The following ZNF503 variants were observed in gnomAD, a reference collection of about 807,000 sequenced individuals.
The protein encoded by ZNF503 is NocA-like zinc finger 2.
A neutral mutation model predicts 34.4 loss-of-function variants in ZNF503; 15 were observed. That is an observed-to-expected ratio of 0.44 (90% CI 0.29 to 0.67). ZNF503 has a LOEUF of 0.67. ZNF503 is among the 30% of genes least tolerant of loss of function. The probability of loss-of-function intolerance (pLI) is 0.13; values close to 1 mark genes in which losing one functional copy is unlikely to be tolerated. For missense variants in ZNF503, 1,007 were observed against 926.8 expected, an observed-to-expected ratio of 1.09 and a Z score of -1.12; for synonymous variants, 580 against 456.8, an observed-to-expected ratio of 1.27 and a Z score of -3.44.
the ZNF503 span, among the ~76,000 whole-genome samples, chr10:75,391,843 A>G: frequency 6.6e-6 from 1 of 151,742 alleles, no homozygotes; most frequent in Admixed American, 6.6e-5. Context: ...TGTTCCAGGT[A>G]CCGTGCTAGC....
chr10:75,334,494 A>G, the ZNF503 span, among the ~76,000 whole-genome samples: 1 of 152,164 alleles, frequency 6.6e-6, no homozygotes. Context: ...ATTGTGGATA[A>G]GAAATTATAG....
chr10:75,334,678 T>C, the ZNF503 span, among the ~76,000 whole-genome samples: 1 of 152,238 alleles, frequency 6.6e-6, no homozygotes, highest in African/African-American at 2.4e-5. Context: ...ATTTTAAAAC[T>C]ATATCCCATT....
At chr10:75,298,113 A>G in the ZNF503 span, among the ~76,000 whole-genome samples, 3 of 152,282 alleles carry the variant, frequency 2.0e-5, no homozygotes, top group East Asian at 3.9e-4. Context: ...TTCAGTCAGT[A>G]CTCAGTTCCA....
chr10:75,309,896 T>C, the ZNF503 span, among the ~76,000 whole-genome samples: 5 of 152,222 alleles, frequency 3.3e-5, no homozygotes, highest in Admixed American at 2.6e-4. Context: ...TTTAATTCAT[T>C]TCGAGTTAAC....
the ZNF503 span, among the ~76,000 whole-genome samples, chr10:75,371,171 A>T: frequency 6.6e-6 from 1 of 152,164 alleles, no homozygotes; most frequent in East Asian, 1.9e-4. Context: ...TGGAGCGGAG[A>T]CAGCATCCAG....
chr10:75,379,707 C>T, the ZNF503 span, among the ~76,000 whole-genome samples: 1 of 152,176 alleles, frequency 6.6e-6, no homozygotes, highest in African/African-American at 2.4e-5. Context: ...TAAGGAAGTC[C>T]TTGAGTAATT....
At chr10:75,349,509 G>A in the ZNF503 span, among the ~76,000 whole-genome samples, 9 of 152,150 alleles carry the variant, frequency 5.9e-5, no homozygotes, top group South Asian at 6.2e-4. Flanking sequence ...TTGAGTGTCC[G>A]TCATGTGATG....
downstream of ZNF503, among the ~76,000 whole-genome samples, chr10:75,394,768 G>A (rs114384847): frequency 4.8e-4 from 73 of 152,350 alleles, no homozygotes; most frequent in African/African-American, 1.4e-3. Context: ...ACAAGTGAGT[G>A]CGTGTGTTGA....
the ZNF503 span, among the ~76,000 whole-genome samples, chr10:75,377,522 G>A: frequency 6.6e-6 from 1 of 152,178 alleles, no homozygotes; most frequent in Non-Finnish European, 1.5e-5. Flanking sequence ...CATGCATGGG[G>A]TGTCTGGAAG....
chr10:75,311,897 C>T, the ZNF503 span, among the ~76,000 whole-genome samples: 2 of 151,856 alleles, frequency 1.3e-5, no homozygotes, highest in Non-Finnish European at 1.5e-5. Context: ...ACCACCACAC[C>T]CAGCTAATTT....
At chr10:75,329,381 T>TCTTC in the ZNF503 span, among the ~76,000 whole-genome samples, 2,800 of 129,060 alleles carry the variant, frequency 0.022, 42 homozygotes, top group African/African-American at 0.025. Context: ...CTTCTTTCTT[T>TCTTC]CTTCCTTCCT....
At chr10:75,353,600 A>C in the ZNF503 span, among the ~76,000 whole-genome samples, 1 of 152,156 alleles carries the variant, frequency 6.6e-6, no homozygotes, top group Non-Finnish European at 1.5e-5. Flanking sequence ...GCTCGGTAGA[A>C]CCACCCACCA....
chr10:75,280,968 C>G, the ZNF503 span, among the ~76,000 whole-genome samples: 2 of 152,174 alleles, frequency 1.3e-5, no homozygotes. Flanking sequence ...GGGAACTTCT[C>G]TGCCTGGCTG....
At chr10:75,312,456 A>G in the ZNF503 span, among the ~76,000 whole-genome samples, 1 of 152,176 alleles carries the variant, frequency 6.6e-6, no homozygotes, top group African/African-American at 2.4e-5. Flanking sequence ...AAAAAATCAA[A>G]AATGAGCAGA....
In ZNF503 at chr10:75,399,019, G is replaced by A; in HGVS notation, c.1671C>T (p.Ser557=). Residue 557 remains serine, a synonymous_variant, in exon 2 of 2, where the codon AGC becomes AGT. Transcript: ENST00000372524. Reference sequence around the variant, plus strand: ...CGGCAGCGCTGGCCAGAGACGACGAGCTGGGGTAGCCCGACAGCAGTTTGT... The same window carrying A: ...CGGCAGCGCTGGCCAGAGACGACGAACTGGGGTAGCCCGACAGCAGTTTGT... ...GTDKLLSGYP[S]SSSLASAAAA... 2 of 1,610,344 alleles carry A rather than the reference G, an allele frequency of 1.2e-6. No homozygotes were observed. The highest frequency in any genetic ancestry group is 8.5e-7 in the Non-Finnish European group (1 of 1,179,640).
chr10:75,321,768 C>G, the ZNF503 span, among the ~76,000 whole-genome samples: 26 of 152,272 alleles, frequency 1.7e-4, no homozygotes, highest in East Asian at 5.0e-3. Flanking sequence ...ACAACCTAAG[C>G]TCATATGCAT....
chr10:75,347,513 T>G, the ZNF503 span, among the ~76,000 whole-genome samples: 1 of 152,146 alleles, frequency 6.6e-6, no homozygotes, highest in African/African-American at 2.4e-5. Context: ...GGAAGCAGCC[T>G]GCATCCTCCC....
chr10:75,354,919 C>T, the ZNF503 span, among the ~76,000 whole-genome samples: 1 of 152,154 alleles, frequency 6.6e-6, no homozygotes, highest in Non-Finnish European at 1.5e-5. Flanking sequence ...GATCTCGGCT[C>T]ACTGCAACCT....
rs1843764308 is a variant in ZNF503 at position 75,399,995 on chromosome 10, C to T, written c.695G>A (p.Ser232Asn). The T allele has an allele frequency of 6.2e-7, 1 of 1,605,580 alleles. No individual in the cohort carries two copies. The highest frequency in any genetic ancestry group is 8.5e-7 in the Non-Finnish European group (1 of 1,179,198). The change falls in exon 2 of 2, where the codon AGC becomes AAC. Residue 232 changes from serine to asparagine, a missense_variant. By Grantham distance (46) the Ser-to-Asn change is conservative (BLOSUM62 1). Coordinates refer to ENST00000372524, the MANE Select transcript of ZNF503 (RefSeq NM_032772.6). ...FTPRTGSPSS[S>N]ASACSPGGML... ...ACCTCCCGGCGAGCAGGCCGAGGCG[C>T]TGGAGCTCGGGCTGCCTGTCCTGGG...
Sources: gnomAD v4.1 joint callset for allele counts (sites outside exome capture counted in the v4.1 genomes callset) on GRCh38, gnomAD v4.1.1 for gene constraint, MANE v1.5 for transcripts, NCBI Gene and HGNC (gene_info 2026-07-23, HGNC 2026-07-21) for gene names.